PDE3A: variants seen among roughly 807,000 people sequenced by gnomAD.
PDE3A encodes the protein cGMP-inhibited 3',5'-cyclic phosphodiesterase 3A.
A neutral mutation model predicts 98.3 loss-of-function variants in PDE3A; 43 were observed. That is an observed-to-expected ratio of 0.44 (90% CI 0.34 to 0.56). PDE3A has a LOEUF of 0.56. PDE3A is among the 20% of genes least tolerant of loss of function. The probability of loss-of-function intolerance (pLI) is 0.01; values close to 1 mark genes in which losing one functional copy is unlikely to be tolerated. For missense variants in PDE3A, 1,427 were observed against 1,440.7 expected, an observed-to-expected ratio of 0.99 and a Z score of 0.15; for synonymous variants, 663 against 567.9, an observed-to-expected ratio of 1.17 and a Z score of -2.38.
At chr12:20,606,935 T>C (rs887095134) in intron 2 of PDE3A, among the ~76,000 whole-genome samples, 2 of 151,466 alleles carry the variant, frequency 1.3e-5, no homozygotes, top group Non-Finnish European at 3.0e-5. Context: ...ATATTGATTA[T>C]ACTTGTTGTA....
chr12:20,390,946 A>G (rs888493672), intron 1 of PDE3A, among the ~76,000 whole-genome samples: 1 of 151,920 alleles, frequency 6.6e-6, no homozygotes, highest in Admixed American at 6.6e-5. Context: ...CTTACAGGGC[A>G]GATGACTTTT....
chr12:20,605,559 C>A (rs2121423744), intron 2 of PDE3A, among the ~76,000 whole-genome samples: 2 of 151,694 alleles, frequency 1.3e-5, no homozygotes, highest in Admixed American at 1.3e-4. Flanking sequence ...AATTACTTGC[C>A]CAATTGGAAG....
At chr12:20,542,631 A>G (rs1428277874) in intron 1 of PDE3A, among the ~76,000 whole-genome samples, 1 of 152,086 alleles carries the variant, frequency 6.6e-6, no homozygotes, top group Non-Finnish European at 1.5e-5. Flanking sequence ...TGTTTGATAA[A>G]TAAAAATAAA....
intron 2 of PDE3A, among the ~76,000 whole-genome samples, chr12:20,579,566 T>C (rs78460822): frequency 0.013 from 1,962 of 152,278 alleles, 19 homozygotes; most frequent in Middle Eastern, 0.024. Context: ...CTTCGAAATA[T>C]TGCAGACAGC....
At chr12:20,563,327 T>C (rs2121291181) in intron 2 of PDE3A, among the ~76,000 whole-genome samples, 1 of 152,304 alleles carries the variant, frequency 6.6e-6, no homozygotes, top group East Asian at 1.9e-4. Flanking sequence ...TCTGGAGTAA[T>C]GCCATATATA....
intron 8 of PDE3A, 22 bp from the exon 9 acceptor site, chr12:20,637,078 A>T: frequency 6.5e-7 from 1 of 1,539,444 alleles, no homozygotes. Flanking sequence ...CTGTTTAAGT[A>T]TTTTAATGTT....
At position 20,680,940 on chromosome 12, in the gene PDE3A, T is replaced by C. The variant is rs1189978036; in HGVS notation, c.*669T>C. On this transcript the variant is annotated 3_prime_UTR_variant, in exon 16 of 16. Transcript: ENST00000359062. ...TGTGTGTGCATATGTAAAGAGATTT[T>C]TGTGGTTTAAGTAACTCAGAATAGC... 2 of 151,566 alleles carry C rather than the reference T, an allele frequency of 1.3e-5. No individual in the cohort carries two copies. Among genetic ancestry groups the C allele is most frequent in the Non-Finnish European group, 2.9e-5 (2 of 68,010 alleles). The allele number at this position is 151,566 out of a possible 1,614,324, so 9.4% of individuals were successfully genotyped here.
At chr12:20,580,628 G>T (rs1340176668) in intron 2 of PDE3A, among the ~76,000 whole-genome samples, 2 of 152,142 alleles carry the variant, frequency 1.3e-5, no homozygotes, top group East Asian at 1.9e-4. Context: ...ACAAGCAAAG[G>T]CTTTCTGATT....
chr12:20,419,073 A>C (rs191923596), intron 1 of PDE3A, among the ~76,000 whole-genome samples: 1 of 152,260 alleles, frequency 6.6e-6, no homozygotes, highest in Admixed American at 6.5e-5. Flanking sequence ...ATGGGGTTAT[A>C]GATTAAAGAA....
chr12:20,487,659 A>AT (rs1409906214), intron 1 of PDE3A, among the ~76,000 whole-genome samples: 1 of 122,472 alleles, frequency 8.2e-6, no homozygotes, highest in African/African-American at 2.9e-5. Context: ...GCTTAAGAAA[A>AT]AAAAATAAAT....
At chr12:20,396,661 A>G (rs1944024200) in intron 1 of PDE3A, among the ~76,000 whole-genome samples, 1 of 152,248 alleles carries the variant, frequency 6.6e-6, no homozygotes, top group African/African-American at 2.4e-5. Flanking sequence ...ATTTAAAAAT[A>G]TTTAAAAGGA....
intron 2 of PDE3A, among the ~76,000 whole-genome samples, chr12:20,561,615 C>T (rs1183876012): frequency 6.6e-6 from 1 of 152,034 alleles, no homozygotes; most frequent in Non-Finnish European, 1.5e-5. Flanking sequence ...TGGCATCTAG[C>T]AGCATCTAAT....
chr12:20,556,928 T>C (rs1942384246), intron 2 of PDE3A: 2 of 590,956 alleles, frequency 3.4e-6, no homozygotes, highest in South Asian at 4.4e-5. Context: ...GTATCCCAGA[T>C]TGGTTGTGTT....
intron 1 of PDE3A, among the ~76,000 whole-genome samples, chr12:20,487,230 A>G (rs10841551): frequency 0.29 from 43,911 of 151,908 alleles, 7,081 homozygotes; most frequent in Non-Finnish European, 0.36. Flanking sequence ...TTATACAAAT[A>G]TGAATGAATG....
At chr12:20,400,996 A>T (rs1165017900) in intron 1 of PDE3A, among the ~76,000 whole-genome samples, 1 of 152,198 alleles carries the variant, frequency 6.6e-6, no homozygotes, top group Non-Finnish European at 1.5e-5. Flanking sequence ...TATCAGATGC[A>T]GAGGCTGGGT....
At chr12:20,670,425 CA>C (rs1275691313) in intron 15 of PDE3A, among the ~76,000 whole-genome samples, 1 of 151,952 alleles carries the variant, frequency 6.6e-6, no homozygotes, top group Admixed American at 6.6e-5. Context: ...ACACCTATTC[CA>C]AAATTGACCA....
intron 2 of PDE3A, 140 bp from the exon 3 acceptor site, chr12:20,613,303 A>C (rs1943914638): frequency 1.3e-6 from 1 of 746,888 alleles, no homozygotes; most frequent in Non-Finnish European, 2.2e-6. Context: ...AGAATTTGAA[A>C]TAGGTGGTGT....
intron 1 of PDE3A, among the ~76,000 whole-genome samples, chr12:20,404,270 G>A (rs1408729405): frequency 6.6e-6 from 1 of 151,970 alleles, no homozygotes; most frequent in Non-Finnish European, 1.5e-5. Context: ...CTTTATCTCA[G>A]GGGGGATATA....
chr12:20,385,740 A>G (rs1275978397), intron 1 of PDE3A, among the ~76,000 whole-genome samples: 1 of 150,290 alleles, frequency 6.7e-6, no homozygotes, highest in Non-Finnish European at 1.5e-5. Flanking sequence ...ATTGAACAAT[A>G]AGAACACTTG....
Sources: gnomAD v4.1 joint callset for allele counts (sites outside exome capture counted in the v4.1 genomes callset) on GRCh38, gnomAD v4.1.1 for gene constraint, MANE v1.5 for transcripts, NCBI Gene and HGNC (gene_info 2026-07-23, HGNC 2026-07-21) for gene names.